The following DLGAP4 variants were observed in gnomAD, a reference collection of about 807,000 sequenced individuals.
The protein encoded by DLGAP4 is disks large-associated protein 4.
A neutral mutation model predicts 86.9 loss-of-function variants in DLGAP4; 18 were observed. That is an observed-to-expected ratio of 0.21 (90% CI 0.14 to 0.31). The LOEUF is 0.31. Ranked by LOEUF, DLGAP4 falls within the 10% of genes least tolerant of loss-of-function variation. DLGAP4 has a pLI of 1.00. For missense variants in DLGAP4, 1,085 were observed against 1,362.6 expected, an observed-to-expected ratio of 0.80 and a Z score of 3.21; for synonymous variants, 548 against 574.3, an observed-to-expected ratio of 0.95 and a Z score of 0.65.
chr20:36,480,416 G>T (rs2035134877), intron 7 of DLGAP4, among the ~76,000 whole-genome samples: 1 of 152,166 alleles, frequency 6.6e-6, no homozygotes, highest in South Asian at 2.1e-4. Flanking sequence ...TCCGGAGGTA[G>T]GGGGGTAAAA....
At chr20:36,317,075 A>G (rs2065107020) in intron 1 of DLGAP4, among the ~76,000 whole-genome samples, 1 of 152,218 alleles carries the variant, frequency 6.6e-6, no homozygotes, top group Admixed American at 6.5e-5. Context: ...CACTAATATG[A>G]ATATCTGTTA....
chr20:36,522,062 A>G (rs1321097545), intron 10 of DLGAP4, among the ~76,000 whole-genome samples: 1 of 152,114 alleles, frequency 6.6e-6, no homozygotes, highest in Non-Finnish European at 1.5e-5. Flanking sequence ...ACAGGCAACT[A>G]CAGGGCTCCT....
intron 10 of DLGAP4, among the ~76,000 whole-genome samples, chr20:36,523,106 A>AG (rs1464002779): frequency 5.9e-5 from 9 of 151,990 alleles, no homozygotes; most frequent in South Asian, 2.1e-4. Flanking sequence ...TTTTTGAGGC[A>AG]GGGGGTCTCA....
At chr20:36,356,823 A>G (rs1291856579) in intron 1 of DLGAP4, among the ~76,000 whole-genome samples, 2 of 152,166 alleles carry the variant, frequency 1.3e-5, no homozygotes, top group Admixed American at 6.5e-5. Context: ...CCAAAAGCTT[A>G]GTATTCAGTA....
intron 2 of DLGAP4, among the ~76,000 whole-genome samples, chr20:36,400,297 C>T (rs1354906512): frequency 6.6e-6 from 1 of 152,218 alleles, no homozygotes; most frequent in African/African-American, 2.4e-5. Flanking sequence ...ATTTGAGCAG[C>T]TGATTCAACA....
intron 10 of DLGAP4, among the ~76,000 whole-genome samples, chr20:36,503,941 T>A (rs1255535035): frequency 1.3e-5 from 2 of 152,344 alleles, no homozygotes; most frequent in Non-Finnish European, 2.9e-5. Context: ...CTTCTGTTGA[T>A]GGACATTTGG....
intron 7 of DLGAP4, among the ~76,000 whole-genome samples, chr20:36,485,370 C>A (rs912875743): frequency 6.8e-6 from 1 of 146,762 alleles, no homozygotes; most frequent in East Asian, 2.0e-4. Flanking sequence ...AAAAAAAAAA[C>A]TGCTAGCTAA....
intron 5 of DLGAP4, 114 bp downstream of exon 5, chr20:36,439,982 T>C: frequency 1.1e-6 from 1 of 880,952 alleles, no homozygotes; most frequent in East Asian, 2.7e-5. Context: ...ATGTCTGCAC[T>C]GTGCTTCTGT....
At chr20:36,311,620 T>C (rs1489599109) in intron 1 of DLGAP4, among the ~76,000 whole-genome samples, 9 of 152,342 alleles carry the variant, frequency 5.9e-5, no homozygotes, top group East Asian at 1.9e-4. Context: ...TCCCAGGCCA[T>C]GTGCACTGCT....
chr20:36,317,846 C>T (rs952693008), intron 1 of DLGAP4, among the ~76,000 whole-genome samples: 4 of 151,970 alleles, frequency 2.6e-5, no homozygotes, highest in African/African-American at 7.3e-5. Flanking sequence ...GAGTCCAGCA[C>T]AGTCATAAAG....
At chr20:36,351,483 A>G (rs2030152822) in intron 1 of DLGAP4, among the ~76,000 whole-genome samples, 1 of 151,898 alleles carries the variant, frequency 6.6e-6, no homozygotes. Flanking sequence ...ATGATCTGTC[A>G]GTGTTGCCCA....
intron 2 of DLGAP4, among the ~76,000 whole-genome samples, chr20:36,390,362 G>T (rs2031743834): frequency 6.6e-6 from 1 of 152,180 alleles, no homozygotes; most frequent in Admixed American, 6.5e-5. Context: ...GAGTCACACA[G>T]AGAGGCAGGA....
intron 7 of DLGAP4, chr20:36,461,748 T>TCCGTCCGCCCGCCCGCCCGC (rs1474275856): frequency 2.3e-6 from 2 of 852,108 alleles, no homozygotes; most frequent in Non-Finnish European, 2.7e-6. Flanking sequence ...CGTCCGTCCG[T>TCCGTCCGCCCGCCCGCCCGC]CCGCCCGCCC....
At chr20:36,406,423 C>T (rs969443063) in intron 2 of DLGAP4, among the ~76,000 whole-genome samples, 11 of 151,206 alleles carry the variant, frequency 7.3e-5, no homozygotes, top group African/African-American at 2.7e-4. Context: ...AAAAATTCAC[C>T]CTTGAAGTCA....
intron 7 of DLGAP4, among the ~76,000 whole-genome samples, chr20:36,468,246 G>A (rs1223436441): frequency 6.6e-6 from 1 of 152,166 alleles, no homozygotes; most frequent in African/African-American, 2.4e-5. Flanking sequence ...TCCACCACTG[G>A]GTCTGTTGGA....
At chr20:36,332,482 G>A (rs2065279336) in intron 1 of DLGAP4, among the ~76,000 whole-genome samples, 1 of 152,166 alleles carries the variant, frequency 6.6e-6, no homozygotes, top group East Asian at 1.9e-4. Flanking sequence ...CTCTGCCTCT[G>A]GGGTTCAAGC....
chr20:36,365,361 C>A (rs782057723), intron 1 of DLGAP4, among the ~76,000 whole-genome samples: 3 of 152,264 alleles, frequency 2.0e-5, no homozygotes, highest in Non-Finnish European at 2.9e-5. Flanking sequence ...GCAATTTTCA[C>A]ACCTTATGGT....
rs562067923 is a variant in DLGAP4, at chr20:36,369,599, T to C, written c.-73+2324T>C. On this transcript the variant is annotated intron_variant, in intron 2 of 12. Transcript: ENST00000339266. ...CTGTCTCAAAAAATAATAAAAACAA[T>C]AGTAATGGCACCATAAAGGCTGGAC... 5.3e-5 allele frequency among the ~76,000 whole-genome samples: 8 copies of C among 151,804 alleles called. No homozygotes were observed. The East Asian group carries it at 1.5e-3, about 29-fold the overall frequency.
chr20:36,443,660 C>T (rs912315700), intron 6 of DLGAP4, among the ~76,000 whole-genome samples: 3 of 152,060 alleles, frequency 2.0e-5, no homozygotes, highest in Admixed American at 6.6e-5. Flanking sequence ...GGATGTGATG[C>T]GTTAACATAC....
Sources: allele counts gnomAD v4.1 joint callset (sites outside exome capture counted in the v4.1 genomes callset), GRCh38; gene constraint gnomAD v4.1.1; transcripts MANE v1.5; gene names NCBI Gene and HGNC (gene_info 2026-07-23, HGNC 2026-07-21).